Variants in LIN54 observed in about 807,000 individuals in gnomAD.
LIN54 encodes the protein protein lin-54 homolog.
A neutral mutation model predicts 78.7 loss-of-function variants in LIN54; 9 were observed. That is an observed-to-expected ratio of 0.11 (90% CI 0.07 to 0.20). LIN54 has a LOEUF of 0.20. Ranked by LOEUF, LIN54 falls within the 10% of genes least tolerant of loss-of-function variation. The pLI is 1.00. For synonymous variants in LIN54, 269 were observed against 318.4 expected (o/e 0.84, Z 1.65); for missense variants, 573 against 889.9 (o/e 0.64, Z 4.53).
intron 1 of LIN54, among the ~76,000 whole-genome samples, chr4:83,002,394 AGGAAGGAAGGAG>A (rs1433430821): frequency 5.8e-5 from 8 of 136,954 alleles, no homozygotes; most frequent in Non-Finnish European, 7.9e-5. Context: ...TGAGGGAGGA[AGGAAGGAAGGAG>A]GGAAGGAAGG....
rs544686241 is a variant in LIN54 at position 82,994,004 on chromosome 4, C to A, written c.-32-9128G>T. On this transcript the variant is annotated intron_variant, in intron 1 of 12. Coordinates refer to ENST00000340417, the MANE Select transcript of LIN54 (RefSeq NM_194282.4). ...AGCCTCCAATATTTGCTACCTGGAG[C>A]TTTACACAAAAAGTCTGTCAACTCC... is the stretch of plus-strand genomic sequence containing the variant. 2.0e-5 allele frequency among the ~76,000 whole-genome samples: 3 copies of A among 152,134 alleles called. No homozygotes were observed. In the East Asian group the frequency reaches 5.8e-4, roughly 29 times the overall value.
At chr4:82,953,056 G>A (rs1011682748) in intron 4 of LIN54, among the ~76,000 whole-genome samples, 12 of 152,174 alleles carry the variant, frequency 7.9e-5, no homozygotes, top group Non-Finnish European at 1.6e-4. Flanking sequence ...AGGCACTCGC[G>A]AGGCAGCGAT....
intron 2 of LIN54, among the ~76,000 whole-genome samples, chr4:82,982,098 T>C (rs1023238549): frequency 6.6e-6 from 1 of 152,092 alleles, no homozygotes; most frequent in African/African-American, 2.4e-5. Context: ...CTTTTTTTTA[T>C]TGTCATTACT....
chr4:82,954,554 A>C (rs923246662), intron 4 of LIN54, among the ~76,000 whole-genome samples: 1 of 152,136 alleles, frequency 6.6e-6, no homozygotes, highest in Non-Finnish European at 1.5e-5. Flanking sequence ...AGTAGTAGGA[A>C]GTACAGGTGC....
rs1358431988 is a variant in LIN54 at position 83,010,812 on chromosome 4, G to GCCA, written c.-364_-362dup. 8.1e-7 allele frequency: 1 copy of GCCA among 1,228,618 alleles called. No individual in the cohort carries two copies. The allele number at this position is 1,228,618 out of a possible 1,614,324, so 76.1% of individuals were successfully genotyped here. A position where few individuals can be genotyped will look rare whatever the true frequency, so the allele number is the denominator to read the frequency against. On this transcript the variant is annotated 5_prime_UTR_variant, in exon 1 of 13. Coordinates refer to ENST00000340417, the MANE Select transcript of LIN54 (RefSeq NM_194282.4). ...CGGAGCCCGGGCCGCCGCCGCCGCC[G>GCCA]CCACCACCAGTAACCTCCCCCTTCC...
rs368738177 is a variant in LIN54, at chr4:82,959,683, AGAT to A, written c.951+10641_951+10643del. On this transcript the variant is annotated intron_variant, in intron 4 of 12. Coordinates refer to ENST00000340417, the MANE Select transcript of LIN54 (RefSeq NM_194282.4). ...TATTGAAATGCATCTCTTACTAGAT[AGAT>A]GATGACACAAAAATTACTTCTTGTG... Among the ~76,000 whole-genome samples, 1,049 of 152,340 alleles carry A rather than the reference AGAT, an allele frequency of 6.9e-3. 9 individuals are homozygous for A. The highest frequency in any genetic ancestry group is 0.023 in the African/African-American group (963 of 41,580).
At chr4:82,941,516 T>C (rs1412469641) in intron 5 of LIN54, among the ~76,000 whole-genome samples, 1 of 152,170 alleles carries the variant, frequency 6.6e-6, no homozygotes, top group African/African-American at 2.4e-5. Flanking sequence ...TTTCTAGGGA[T>C]TTTTAAATAC....
chr4:82,943,822 CAG>C (rs1189039814), intron 5 of LIN54, among the ~76,000 whole-genome samples: 1 of 148,912 alleles, frequency 6.7e-6, no homozygotes, highest in East Asian at 2.0e-4. Flanking sequence ...GGCAGAAAGA[CAG>C]ACATAAAGCT....
In LIN54 at chr4:82,927,904, G is replaced by A. The variant is rs13151638; in HGVS notation, c.*198C>T. 106,666 of 551,116 alleles carry A rather than the reference G, an allele frequency of 0.19. 10,984 individuals carry two copies. The highest frequency in any genetic ancestry group is 0.3 in the South Asian group (11,171 of 36,782). The allele number at this position is 551,116 out of a possible 1,614,324, so 34.1% of individuals were successfully genotyped here. On this transcript the variant is annotated 3_prime_UTR_variant, in exon 13 of 13. Transcript: ENST00000340417. ...TAAAGAAAAATTCAATTTAGAAGGG[G>A]CATAAGCAGATTTAACTAAGATTTA... is the stretch of plus-strand genomic sequence containing the variant.
intron 3 of LIN54, among the ~76,000 whole-genome samples, chr4:82,971,841 G>T (rs765538048): frequency 2.0e-5 from 3 of 152,160 alleles, no homozygotes; most frequent in Non-Finnish European, 2.9e-5. Flanking sequence ...AAGAAGTAGA[G>T]AAGATTGATA....
chr4:82,966,947 A>G (rs1725252121), intron 4 of LIN54, among the ~76,000 whole-genome samples: 3 of 152,094 alleles, frequency 2.0e-5, no homozygotes. Flanking sequence ...ACTTATTAAG[A>G]TAAATAAGCT....
At chr4:82,938,920 G>T (rs1483869668) in intron 7 of LIN54, among the ~76,000 whole-genome samples, 1 of 152,186 alleles carries the variant, frequency 6.6e-6, no homozygotes, top group Non-Finnish European at 1.5e-5. Flanking sequence ...CACAATAGTT[G>T]AGTTTCTATT....
rs531928548 is a variant in LIN54, at chr4:82,998,347, G to A, written c.-33+12137C>T. Among the ~76,000 whole-genome samples, 7 of 151,886 alleles carry A rather than the reference G, an allele frequency of 4.6e-5. No homozygotes were observed. The South Asian group carries it at 1.0e-3, about 23-fold the overall frequency. On this transcript the variant is annotated intron_variant, in intron 1 of 12. Transcript: ENST00000340417. Reference sequence around the variant, plus strand: ...ATCACGAGGTCAGGAGTTCAAGAACGGCCTGGTCAACATAGTGAAACCCCG... The same window carrying A: ...ATCACGAGGTCAGGAGTTCAAGAACAGCCTGGTCAACATAGTGAAACCCCG...
chr4:82,958,848 G>A (rs947684427), intron 4 of LIN54, among the ~76,000 whole-genome samples: 5 of 151,836 alleles, frequency 3.3e-5, no homozygotes, highest in East Asian at 3.9e-4. Flanking sequence ...GATAACAAGC[G>A]TGTGCCACTA....
chr4:82,930,915 C>T, intron 12 of LIN54, 28 bp downstream of exon 12: 1 of 1,603,100 alleles, frequency 6.2e-7, no homozygotes, highest in Non-Finnish European at 8.5e-7. Context: ...TTGGGAAGTA[C>T]TATAAAAAGA....
chr4:82,987,476 G>A (rs1432327392), intron 1 of LIN54, among the ~76,000 whole-genome samples: 1 of 152,166 alleles, frequency 6.6e-6, no homozygotes, highest in African/African-American at 2.4e-5. Flanking sequence ...AGGTATACGT[G>A]TGCCATGGTG....
At chr4:82,931,685 T>G (rs1213580526) in intron 11 of LIN54, among the ~76,000 whole-genome samples, 1 of 152,198 alleles carries the variant, frequency 6.6e-6, no homozygotes, top group African/African-American at 2.4e-5. Context: ...GTATTTTACA[T>G]TTCATATAAA....
At chr4:82,989,307 C>G (rs1052977246) in intron 1 of LIN54, among the ~76,000 whole-genome samples, 13 of 152,030 alleles carry the variant, frequency 8.6e-5, no homozygotes, top group African/African-American at 3.1e-4. Flanking sequence ...TTTGGGACAC[C>G]AAAGTACTAG....
intron 2 of LIN54, among the ~76,000 whole-genome samples, chr4:82,983,043 T>C (rs1281386759): frequency 1.3e-5 from 2 of 150,418 alleles, no homozygotes; most frequent in African/African-American, 4.9e-5. Context: ...GTTTCGCTCT[T>C]GTCACCCAGG....
Sources: allele counts gnomAD v4.1 joint callset (sites outside exome capture counted in the v4.1 genomes callset), GRCh38; gene constraint gnomAD v4.1.1; transcripts MANE v1.5; gene names NCBI Gene and HGNC (gene_info 2026-07-23, HGNC 2026-07-21).